Variants in USP38 observed in about 807,000 individuals in gnomAD.
USP38 encodes the protein ubiquitin carboxyl-terminal hydrolase 38.
USP38 carries 49 observed loss-of-function variants against 94.3 expected under a neutral mutation model. The ratio of observed to expected loss-of-function variants is 0.52; its 90% CI spans 0.41 to 0.66. The LOEUF is 0.66. USP38 is among the 30% of genes least tolerant of loss of function. The pLI is 0.00. For synonymous variants in USP38, 468 were observed against 463.6 expected, an observed-to-expected ratio of 1.01 and a Z score of -0.12; for missense variants, 1,128 against 1,229.4, an observed-to-expected ratio of 0.92 and a Z score of 1.23.
At chr4:143,186,230 CATTCTT>C (rs1201242300) in intron 1 of USP38, 98 bp downstream of exon 1, 2 of 1,293,936 alleles carry the variant, frequency 1.5e-6, no homozygotes, top group Non-Finnish European at 2.2e-6. Flanking sequence ...GCCCTAAAAA[CATTCTT>C]AAGCGAGAGC....
chr4:143,203,641 C>G, intron 5 of USP38, 75 bp downstream of exon 5: 1 of 1,436,670 alleles, frequency 7.0e-7, no homozygotes, highest in Non-Finnish European at 9.4e-7. Flanking sequence ...TAACCAGCTA[C>G]TCAATTTACT....
Position 143,221,254 on chromosome 4 carries a change from T to C in USP38, c.*798T>C, listed in dbSNP as rs1033295904. ...ACTGTAATTCAAAAATAGGAATCTT[T>C]GGCTGCAAAATTTTAATGAAATGTT... On this transcript the variant is annotated 3_prime_UTR_variant, in exon 10 of 10. Coordinates refer to ENST00000307017, the MANE Select transcript of USP38 (RefSeq NM_032557.6). 6.6e-6 allele frequency: 1 copy of C among 152,564 alleles called. No individual in the cohort carries two copies. The highest frequency in any genetic ancestry group is 2.4e-5 in the African/African-American group (1 of 41,432). 9.5% of individuals were successfully genotyped at this position (152,564 alleles called of 1,614,324 possible). A position where few individuals can be genotyped will look rare whatever the true frequency, so the allele number is the denominator to read the frequency against.
In USP38 at chr4:143,221,341, G is replaced by A. The variant is rs1451887666; in HGVS notation, c.*885G>A. 1.3e-5 allele frequency: 2 copies of A among 152,596 alleles called. No homozygotes were observed. The highest frequency in any genetic ancestry group is 4.8e-5 in the African/African-American group (2 of 41,540). 9.5% of individuals were successfully genotyped at this position (152,596 alleles called of 1,614,324 possible). On this transcript the variant is annotated 3_prime_UTR_variant, in exon 10 of 10. Coordinates refer to ENST00000307017, the MANE Select transcript of USP38 (RefSeq NM_032557.6). Reference sequence around the variant, plus strand: ...TTTTTGAAAGGTAATAGATTTTCCAGAAGTAAAATCTGATGGTTCTAAATC... The same window carrying A: ...TTTTTGAAAGGTAATAGATTTTCCAAAAGTAAAATCTGATGGTTCTAAATC...
chr4:143,195,694 T>C (rs758608223), intron 2 of USP38, 22 bp from the exon 3 acceptor site: 19 of 1,571,284 alleles, frequency 1.2e-5, no homozygotes, highest in Non-Finnish European at 1.6e-5. Flanking sequence ...ATAATGATTG[T>C]TTCATTTTCC....
In USP38 at chr4:143,221,994, CT is replaced by C. The variant is rs1305165907; in HGVS notation, c.*1542del. ...ATAAATGAATGAACCAGTTATCATG[CT>C]TTTCTGTGGTTTTCCTATCCCAATA... is the stretch of plus-strand genomic sequence containing the variant. On this transcript the variant is annotated 3_prime_UTR_variant, in exon 10 of 10. Coordinates refer to ENST00000307017, the MANE Select transcript of USP38 (RefSeq NM_032557.6). The C allele has an allele frequency of 3.3e-5, 5 of 151,984 alleles. No homozygotes were observed. Among genetic ancestry groups the C allele is most frequent in the Admixed American group, 2.0e-4 (3 of 15,240 alleles). The allele number at this position is 151,984 out of a possible 1,614,324, so 9.4% of individuals were successfully genotyped here. A position where few individuals can be genotyped will look rare whatever the true frequency, so the allele number is the denominator to read the frequency against.
Position 143,214,554 on chromosome 4 carries a change from T to C in USP38, c.2578T>C (p.Ser860Pro). ...ATCCTCTGAAAGTGGGCATTACTATTCTTATGCCAGGAATATCACAAGTAC... is the reference window on the plus strand; with the variant it reads ...ATCCTCTGAAAGTGGGCATTACTATCCTTATGCCAGGAATATCACAAGTAC... ...GISSESGHYY[S>P]YARNITSTDS... is the part of the protein sequence containing the mutation. Residue 860 changes from serine to proline, a missense_variant, in exon 9 of 10, where the codon TCT becomes CCT. Physicochemically the swap from Ser to Pro is moderately conservative, Grantham distance 74. Coordinates refer to ENST00000307017, the MANE Select transcript of USP38 (RefSeq NM_032557.6). 1 of 1,613,602 alleles carries C rather than the reference T, an allele frequency of 6.2e-7. No individual in the cohort carries two copies. Among genetic ancestry groups the C allele is most frequent in the Non-Finnish European group, 8.5e-7 (1 of 1,179,802 alleles).
intron 2 of USP38, 89 bp downstream of exon 2, chr4:143,188,050 T>G (rs1731280077): frequency 7.1e-7 from 1 of 1,406,768 alleles, no homozygotes; most frequent in Admixed American, 2.4e-5. Context: ...AACTTACGAA[T>G]GTTTAAAACT....
chr4:143,192,319 A>G (rs1446066861), intron 2 of USP38, among the ~76,000 whole-genome samples: 1 of 152,122 alleles, frequency 6.6e-6, no homozygotes, highest in Non-Finnish European at 1.5e-5. Flanking sequence ...CAAGGTCACC[A>G]TGCCTAGCTA....
chr4:143,217,759 G>A (rs1361774509), intron 9 of USP38, among the ~76,000 whole-genome samples: 2 of 152,148 alleles, frequency 1.3e-5, no homozygotes, highest in Non-Finnish European at 2.9e-5. Flanking sequence ...GTATTGGCAA[G>A]ATCCGTGGTT....
At chr4:143,200,709 C>T (rs921306048) in intron 4 of USP38, among the ~76,000 whole-genome samples, 4 of 152,156 alleles carry the variant, frequency 2.6e-5, no homozygotes, top group African/African-American at 9.7e-5. Context: ...GTAAAAAAAT[C>T]ACTAGCATTC....
At chr4:143,193,360 T>C (rs1400013858) in intron 2 of USP38, among the ~76,000 whole-genome samples, 2 of 152,208 alleles carry the variant, frequency 1.3e-5, no homozygotes, top group Admixed American at 1.3e-4. Flanking sequence ...CATTTCCTTA[T>C]TGACAATCAT....
intron 2 of USP38, among the ~76,000 whole-genome samples, chr4:143,190,743 C>T (rs1338515542): frequency 2.0e-5 from 3 of 152,042 alleles, no homozygotes; most frequent in Non-Finnish European, 4.4e-5. Flanking sequence ...AGGCTTTCCT[C>T]GTTGCACAGT....
intron 9 of USP38, 79 bp downstream of exon 9, chr4:143,215,022 T>A: frequency 7.3e-7 from 1 of 1,369,996 alleles, no homozygotes; most frequent in Non-Finnish European, 9.9e-7. Context: ...CATTTTGAAA[T>A]CTAACATGAG....
At chr4:143,186,728 A>G (rs1254117119) in intron 1 of USP38, among the ~76,000 whole-genome samples, 2 of 152,220 alleles carry the variant, frequency 1.3e-5, no homozygotes, top group Non-Finnish European at 2.9e-5. Flanking sequence ...TTTTGTGCCC[A>G]TGAACTGCAT....
Position 143,197,706 on chromosome 4 carries a change from G to A in USP38, c.949-117G>A, listed in dbSNP as rs1006636728. On this transcript the variant is annotated intron_variant, in intron 3 of 9. Transcript: ENST00000307017. ...AAGTTTAATAATATAAGTTATGTTA[G>A]AACTTTCCAGAAGGGGGACATTCAT... is the stretch of plus-strand genomic sequence containing the variant. 1.2e-5 allele frequency: 8 copies of A among 657,398 alleles called. No homozygotes were observed. The African/African-American group carries it at 1.5e-4, about 12-fold the overall frequency. 40.7% of individuals were successfully genotyped at this position (657,398 alleles called of 1,614,324 possible).
intron 4 of USP38, 137 bp from the exon 5 acceptor site, chr4:143,203,271 A>T: frequency 1.1e-6 from 1 of 874,400 alleles, no homozygotes; most frequent in Non-Finnish European, 1.7e-6. Context: ...GTTTAACTTA[A>T]TAACAAGAAA....
Position 143,221,025 on chromosome 4 carries a change from T to A in USP38, c.*569T>A, listed in dbSNP as rs1184988675. 1 of 152,574 alleles carries A rather than the reference T, an allele frequency of 6.6e-6. No individual in the cohort carries two copies. Among genetic ancestry groups the A allele is most frequent in the Non-Finnish European group, 1.5e-5 (1 of 68,000 alleles). The allele number at this position is 152,574 out of a possible 1,614,324, so 9.5% of individuals were successfully genotyped here. ...AGCATCACTGTGTCTGTATTTCAAG[T>A]ACAAATGTTTTTAAAAAGGATTCTT... On this transcript the variant is annotated 3_prime_UTR_variant, in exon 10 of 10. Coordinates refer to ENST00000307017, the MANE Select transcript of USP38 (RefSeq NM_032557.6).
At chr4:143,201,419 C>T (rs988345403) in intron 4 of USP38, among the ~76,000 whole-genome samples, 1 of 152,144 alleles carries the variant, frequency 6.6e-6, no homozygotes, top group Non-Finnish European at 1.5e-5. Context: ...GATTCTCTGA[C>T]ATAACTTTAT....
intron 3 of USP38, among the ~76,000 whole-genome samples, 173 bp downstream of exon 3, chr4:143,196,018 T>C (rs1011387963): frequency 6.6e-6 from 1 of 152,166 alleles, no homozygotes; most frequent in Non-Finnish European, 1.5e-5. Context: ...TAAATATAAG[T>C]AATTAGGTTG....
Sources: allele counts gnomAD v4.1 joint callset (sites outside exome capture counted in the v4.1 genomes callset), GRCh38; gene constraint gnomAD v4.1.1; transcripts MANE v1.5; gene names NCBI Gene and HGNC (gene_info 2026-07-23, HGNC 2026-07-21).